ACSBG1: variants seen among roughly 807,000 people sequenced by gnomAD.
ACSBG1 encodes long-chain-fatty-acid--CoA ligase ACSBG1.
ACSBG1 carries 39 observed loss-of-function variants against 80.2 expected under a neutral mutation model. That is an observed-to-expected ratio of 0.49 (90% CI 0.38 to 0.64). ACSBG1 has a LOEUF of 0.64. Ranked by LOEUF, ACSBG1 falls within the 30% of genes least tolerant of loss-of-function variation. ACSBG1 has a pLI of 0.00. For missense variants in ACSBG1, 828 were observed against 966.4 expected (o/e 0.86, Z 1.90); for synonymous variants, 392 against 379.5 (o/e 1.03, Z -0.38).
intron 4 of ACSBG1, 127 bp downstream of exon 4, chr15:78,193,804 GA>G: frequency 7.0e-7 from 1 of 1,425,606 alleles, no homozygotes; most frequent in Non-Finnish European, 9.5e-7. Flanking sequence ...AGGTCCACCA[GA>G]AGGCCCCAGG....
At chr15:78,228,640 G>A (rs1333452898) in intron 1 of ACSBG1, among the ~76,000 whole-genome samples, 1 of 152,194 alleles carries the variant, frequency 6.6e-6, no homozygotes, top group Non-Finnish European at 1.5e-5. Context: ...GACCAGGGTT[G>A]GTTTGCCCTA....
intron 2 of ACSBG1, among the ~76,000 whole-genome samples, chr15:78,203,731 T>C (rs1336403474): frequency 6.6e-6 from 1 of 152,212 alleles, no homozygotes; most frequent in Admixed American, 6.5e-5. Flanking sequence ...CTGGGGCTGT[T>C]TTCCGTGGTC....
chr15:78,234,536 C>T lies in ACSBG1; in HGVS notation c.-35G>A. 1.2e-6 allele frequency: 2 copies of T among 1,603,226 alleles called. No homozygotes were observed. The highest frequency in any genetic ancestry group is 8.5e-7 in the Non-Finnish European group (1 of 1,178,576). On this transcript the variant is annotated 5_prime_UTR_variant, in exon 1 of 14. The change creates a new upstream start codon in the 5' untranslated region. Transcript: ENST00000258873. Reference sequence around the variant, plus strand: ...GCTTCCACTGAAGACAGCTCAGTCACCCACTGAGAGAGGCTAGCCTTGAGT... The same window carrying T: ...GCTTCCACTGAAGACAGCTCAGTCATCCACTGAGAGAGGCTAGCCTTGAGT...
chr15:78,207,329 G>A (rs1270179439), intron 2 of ACSBG1, among the ~76,000 whole-genome samples: 2 of 152,160 alleles, frequency 1.3e-5, no homozygotes, highest in Non-Finnish European at 2.9e-5. Flanking sequence ...CTGGGAGAGC[G>A]GCAGCTGGTC....
chr15:78,223,518 A>G (rs1254562125), intron 1 of ACSBG1, among the ~76,000 whole-genome samples: 1 of 152,208 alleles, frequency 6.6e-6, no homozygotes, highest in Non-Finnish European at 1.5e-5. Flanking sequence ...TTCAGGCACC[A>G]GATGTGATAA....
At chr15:78,231,172 G>A (rs1431590968) in intron 1 of ACSBG1, among the ~76,000 whole-genome samples, 1 of 152,064 alleles carries the variant, frequency 6.6e-6, no homozygotes, top group South Asian at 2.1e-4. Context: ...CCAGGCTGGA[G>A]TGCAATGGCA....
rs1293889634 is a variant in ACSBG1 at position 78,180,903 on chromosome 15, GCTCCAC to G, written c.1099_1104del (p.Val367_Glu368del). 6.2e-6 allele frequency: 10 copies of G among 1,614,036 alleles called. No homozygotes were observed. The highest frequency in any genetic ancestry group is 1.3e-5 in the African/African-American group (1 of 74,926). On this transcript the variant is annotated inframe_deletion, in exon 9 of 14. Coordinates refer to ENST00000258873, the MANE Select transcript of ACSBG1 (RefSeq NM_015162.5). The stretch of plus-strand genomic sequence containing the variant: ...CGGGGCACCCCCATGTGTGATGTGG[GCTCCAC>G]CTCCCGCAGCGTGTTCACCAGGCTC...
chr15:78,182,121 T>C lies in ACSBG1; in HGVS notation c.919A>G (p.Ser307Gly). The C allele has an allele frequency of 2.5e-6, 4 of 1,610,688 alleles. No homozygotes were observed. The highest frequency in any genetic ancestry group is 3.4e-6 in the Non-Finnish European group (4 of 1,179,936). Residue 307 changes from serine (S) to glycine (G), a missense_variant, in exon 8 of 14, where the codon AGC becomes GGC. Transcript: ENST00000258873. ...DNITWTARYG[S>G]QAGDIRPAEV... ...GCCGGCCGGATGTCACCGGCCTGGC[T>C]GCCGTACCGTGCCGTCCACGTGATC...
chr15:78,207,923 A>ACCCCCCCCCCCCCCCCCCCCCCCCCCC, intron 2 of ACSBG1, 79 bp downstream of exon 2: 2 of 284,792 alleles, frequency 7.0e-6, no homozygotes, highest in Non-Finnish European at 1.4e-5. Flanking sequence ...GTGGTCCCCC[A>ACCCCCCCCCCCCCCCCCCCCCCCCCCC]CACCACCCAC....
Position 78,174,434 on chromosome 15 carries a change from A to G in ACSBG1, c.1793T>C (p.Met598Thr), listed in dbSNP as rs2074861102. The G allele has an allele frequency of 1.9e-6, 3 of 1,614,074 alleles. No individual in the cohort carries two copies. Among genetic ancestry groups the G allele is most frequent in the African/African-American group, 1.3e-5 (1 of 74,916 alleles). The change falls in exon 12 of 14, where the codon ATG becomes ACG. Residue 598 changes from methionine to threonine, a missense_variant. Transcript: ENST00000258873. Reference sequence around the variant, plus strand: ...GAACTTCCTCTGGTCCCCAATGAGCATGGCGTTGCTGATGATGGGCAGCTC... The same window carrying G: ...GAACTTCCTCTGGTCCCCAATGAGCGTGGCGTTGCTGATGATGGGCAGCTC... ...KMELPIISNA[M>T]LIGDQRKFLS...
At chr15:78,180,324 A>G (rs1595881671) in intron 9 of ACSBG1, among the ~76,000 whole-genome samples, 1 of 152,220 alleles carries the variant, frequency 6.6e-6, no homozygotes, top group Non-Finnish European at 1.5e-5. Context: ...GACCCTCCAT[A>G]GAACTATGTG....
In ACSBG1 at chr15:78,212,204, G is replaced by A. The variant is rs147909740; in HGVS notation, c.132-4102C>T. Reference sequence around the variant, plus strand: ...GGATAGCATCAAAGTTCACCAGTCTGTCTGCCTGCTTGGGCACAACTCACT... The same window carrying A: ...GGATAGCATCAAAGTTCACCAGTCTATCTGCCTGCTTGGGCACAACTCACT... On this transcript the variant is annotated intron_variant, in intron 1 of 13. Coordinates refer to ENST00000258873, the MANE Select transcript of ACSBG1 (RefSeq NM_015162.5). 2.0e-5 allele frequency among the ~76,000 whole-genome samples: 3 copies of A among 152,294 alleles called. No homozygotes were observed. In the East Asian group the frequency reaches 5.8e-4, roughly 29 times the overall value.
chr15:78,180,051 A>G (rs56334336), intron 9 of ACSBG1, among the ~76,000 whole-genome samples: 8,814 of 152,286 alleles, frequency 0.058, 392 homozygotes, highest in Non-Finnish European at 0.087. Context: ...TGTACGGGCA[A>G]CAACACAGAC....
At chr15:78,207,021 A>T (rs910686243) in intron 2 of ACSBG1, among the ~76,000 whole-genome samples, 1 of 152,220 alleles carries the variant, frequency 6.6e-6, no homozygotes, top group Non-Finnish European at 1.5e-5. Flanking sequence ...AAGGGATTAT[A>T]AAGTCTGGGG....
chr15:78,197,744 T>G (rs7168021), intron 2 of ACSBG1, among the ~76,000 whole-genome samples: 100,429 of 139,590 alleles, frequency 0.72, 35,465 homozygotes, highest in Admixed American at 0.79. Flanking sequence ...AAAAAAAAAA[T>G]AGAATGTTGA....
Position 78,178,721 on chromosome 15 carries a change from A to G in ACSBG1, c.1595T>C (p.Met532Thr), listed in dbSNP as rs2074909116. 6.2e-7 allele frequency: 1 copy of G among 1,614,050 alleles called. No homozygotes were observed. The highest frequency in any genetic ancestry group is 8.5e-7 in the Non-Finnish European group (1 of 1,180,034). Reference protein sequence around the residue: ...GRTIFMGYLNMEDKTCEAIDE... With the variant: ...GRTIFMGYLNTEDKTCEAIDE... ...GATGGCCTCACAAGTCTTGTCCTCC[A>G]TGTTCAGGTAGCCCATGAATATGGT... is the stretch of plus-strand genomic sequence containing the variant. Residue 532 changes from methionine to threonine, a missense_variant, in exon 11 of 14, where the codon ATG becomes ACG. Transcript: ENST00000258873. This position sits in a 1 kb window ranked among gnomAD's most constrained non-coding sequence, Gnocchi z 4.3.
rs41279224 is a variant in ACSBG1, at chr15:78,173,651, G to A, written c.2031C>T (p.Tyr677=). Residue 677 remains tyrosine (Y), a synonymous_variant, in exon 13 of 14, where the codon TAC becomes TAT. Coordinates refer to ENST00000258873, the MANE Select transcript of ACSBG1 (RefSeq NM_015162.5). ...RVNMNAAARP[Y]HIQKWAILER... is the part of the protein sequence containing the mutation. ...CGAGAATGGCCCACTTCTGGATGTG[G>A]TAGGGCCGGGCCGCCGCGTTCATGT... 5,231 of 1,614,186 alleles carry A rather than the reference G, an allele frequency of 3.2e-3. 47 individuals carry two copies. The highest frequency in any genetic ancestry group is 0.019 in the South Asian group (1,704 of 91,082).
intron 2 of ACSBG1, among the ~76,000 whole-genome samples, chr15:78,204,241 T>C (rs534406693): frequency 1.3e-5 from 2 of 152,270 alleles, no homozygotes; most frequent in African/African-American, 2.4e-5. Context: ...TCCACAGTCA[T>C]TGTTTTAGCT....
chr15:78,186,400 C>T (rs1479427939), intron 5 of ACSBG1, among the ~76,000 whole-genome samples: 6 of 152,126 alleles, frequency 3.9e-5, no homozygotes, highest in Admixed American at 3.9e-4. Flanking sequence ...CACACCTATT[C>T]CAAAACTGAC....
Sources: gnomAD v4.1 joint callset for allele counts (sites outside exome capture counted in the v4.1 genomes callset) on GRCh38, gnomAD v4.1.1 for gene constraint, Gnocchi (gnomAD v3.1) non-coding constraint, MANE v1.5 for transcripts, NCBI Gene and HGNC (gene_info 2026-07-23, HGNC 2026-07-21) for gene names.